Variants in BOC observed in about 807,000 individuals in gnomAD.
BOC encodes the protein brother of CDO.
Under a neutral mutation model 112.0 loss-of-function variants are expected in BOC, and 76 were observed. The ratio of observed to expected loss-of-function variants is 0.68; its 90% CI spans 0.56 to 0.82. The LOEUF is 0.82. BOC is among the 40% of genes least tolerant of loss of function. BOC has a pLI of 0.00. For missense variants in BOC, 1,309 were observed against 1,511.7 expected (o/e 0.87, Z 2.22); for synonymous variants, 580 against 599.8 (o/e 0.97, Z 0.48).
Position 113,287,288 on chromosome 3 carries a change from C to T in BOC, c.*426C>T, listed in dbSNP as rs9826018. ...AGACACCCACACAGATGGCTGGATC[C>T]GGTGCTACGGGAAACATTTTCCTAA... is the stretch of plus-strand genomic sequence containing the variant. On this transcript the variant is annotated 3_prime_UTR_variant, in exon 20 of 20. Coordinates refer to ENST00000682979, the MANE Select transcript of BOC (RefSeq NM_001378074.1). 5,877 of 302,588 alleles carry T rather than the reference C, an allele frequency of 0.019. 323 individuals carry two copies. The highest frequency in any genetic ancestry group is 0.12 in the African/African-American group (5,356 of 45,530). 18.7% of individuals were successfully genotyped at this position (302,588 alleles called of 1,614,324 possible). A position where few individuals can be genotyped will look rare whatever the true frequency, so the allele number is the denominator to read the frequency against.
At chr3:113,252,279 G>C (rs1945728477) in intron 4 of BOC, among the ~76,000 whole-genome samples, 2 of 152,194 alleles carry the variant, frequency 1.3e-5, no homozygotes. Context: ...ACTTTGAGAA[G>C]ATTTCCAGGG....
intron 4 of BOC, among the ~76,000 whole-genome samples, chr3:113,253,608 AATCTT>A (rs915367383): frequency 1.3e-5 from 2 of 152,008 alleles, no homozygotes; most frequent in African/African-American, 4.8e-5. Flanking sequence ...AAAGTGTACT[AATCTT>A]AAGTGAACAA....
At chr3:113,285,289 A>C in intron 18 of BOC, 83 bp from the exon 19 acceptor site, 3 of 1,408,148 alleles carry the variant, frequency 2.1e-6, no homozygotes, top group Non-Finnish European at 3.0e-6. Flanking sequence ...ATGCCCTCAG[A>C]CAGGGAGACA....
chr3:113,276,950 T>C (rs978302552), intron 9 of BOC, among the ~76,000 whole-genome samples: 2 of 152,200 alleles, frequency 1.3e-5, no homozygotes, highest in Non-Finnish European at 2.9e-5. Flanking sequence ...GGTGTAGAGT[T>C]GGCAGTAAAG....
At chr3:113,261,705 A>C (rs1021764232) in intron 4 of BOC, 1 of 152,218 alleles carries the variant, frequency 6.6e-6, no homozygotes, top group African/African-American at 2.4e-5. Flanking sequence ...TCATTTAATG[A>C]CATTGCAAAA....
chr3:113,270,917 G>A lies in BOC; in HGVS notation c.640G>A (p.Gly214Ser), dbSNP rs765892475. 26 of 1,614,214 alleles carry A rather than the reference G, an allele frequency of 1.6e-5. No individual in the cohort carries two copies. The highest frequency in any genetic ancestry group is 1.6e-4 in the Middle Eastern group (1 of 6,062). Residue 214 changes from glycine (G) to serine (S), a missense_variant, in exon 6 of 20, where the codon GGC becomes AGC. Physicochemically the swap from Gly to Ser is moderately conservative, Grantham distance 56. Transcript: ENST00000682979. ...NPVTQEVKTS[G>S]SSDRLRVRRS... is the part of the protein sequence containing the mutation. The stretch of plus-strand genomic sequence containing the variant: ...AGTGACCCAGGAAGTGAAAACCTCC[G>A]GCTCCAGCGACAGGCTACGTGTGCG...
chr3:113,260,235 A>G (rs1327275245), intron 4 of BOC, among the ~76,000 whole-genome samples: 5 of 152,244 alleles, frequency 3.3e-5, no homozygotes, highest in Non-Finnish European at 5.9e-5. Flanking sequence ...AAGATGAAAA[A>G]GGGCATACAC....
intron 17 of BOC, 35 bp from the exon 18 acceptor site, chr3:113,284,747 G>A (rs184394067): frequency 2.3e-5 from 36 of 1,599,132 alleles, no homozygotes; most frequent in Middle Eastern, 1.7e-4. Context: ...TGGACTCCCC[G>A]GCGTGGCCGT....
intron 2 of BOC, among the ~76,000 whole-genome samples, chr3:113,230,926 AAC>A (rs1942511664): frequency 1.3e-5 from 2 of 152,248 alleles, no homozygotes; most frequent in Non-Finnish European, 2.9e-5. Context: ...AAAGTTTGTT[AAC>A]AAAATATTAA....
rs903886174 is a variant in BOC at position 113,280,588 on chromosome 3, A to G, written c.2236A>G (p.Ile746Val). The stretch of plus-strand genomic sequence containing the variant: ...CCCAGCAAGTAACAACAACACCCCA[A>G]TCCATGGCTTTTATATCTATTATCG... ...YIPASNNNTP[I>V]HGFYIYYRPT... Residue 746 changes from isoleucine to valine, a missense_variant, in exon 14 of 20, where the codon ATC (isoleucine) becomes GTC (valine). Coordinates refer to ENST00000682979, the MANE Select transcript of BOC (RefSeq NM_001378074.1). 2 of 1,612,096 alleles carry G rather than the reference A, an allele frequency of 1.2e-6. No homozygotes were observed. Among genetic ancestry groups the G allele is most frequent in the South Asian group, 1.1e-5 (1 of 91,026 alleles).
Position 113,279,869 on chromosome 3 carries a change from A to C in BOC, c.2069A>C (p.Glu690Ala). 6.2e-7 allele frequency: 1 copy of C among 1,613,146 alleles called. No homozygotes were observed. Among genetic ancestry groups the C allele is most frequent in the Non-Finnish European group, 8.5e-7 (1 of 1,179,570 alleles). Reference protein sequence around the residue: ...FRVRALNMLGESEPSAPSRPY... With the variant: ...FRVRALNMLGASEPSAPSRPY... Reference sequence around the variant, plus strand: ...GTCCGGGCTCTGAACATGCTGGGGGAGAGCGAGCCCAGCGCCCCCTCTCGG... The same window carrying C: ...GTCCGGGCTCTGAACATGCTGGGGGCGAGCGAGCCCAGCGCCCCCTCTCGG... The change falls in exon 13 of 20, where the codon GAG (glutamate) becomes GCG (alanine). Residue 690 changes from glutamate (E) to alanine (A), a missense_variant. Physicochemically the swap from Glu to Ala is moderately radical, Grantham distance 107. Transcript: ENST00000682979.
chr3:113,243,729 C>G (rs922584330), intron 2 of BOC, among the ~76,000 whole-genome samples: 6 of 152,170 alleles, frequency 3.9e-5, no homozygotes, highest in African/African-American at 1.4e-4. Flanking sequence ...CCCTCATCCC[C>G]CTTGCTTGTA....
rs769259969 is a variant in BOC, at chr3:113,227,096, CTAT to C, written c.-82+10829_-82+10831del. Among the ~76,000 whole-genome samples, 181 of 152,174 alleles carry C rather than the reference CTAT, an allele frequency of 1.2e-3. 1 individual carries two copies. The highest frequency in any genetic ancestry group is 3.2e-4 in the Non-Finnish European group (22 of 68,026). On this transcript the variant is annotated intron_variant, in intron 2 of 19. Transcript: ENST00000682979. ...CTTAGGGTAGAGGCTTTGATGGTCT[CTAT>C]TATTATCATCATTATTATTAGCTTG...
chr3:113,236,585 T>A (rs1018247285), intron 2 of BOC, among the ~76,000 whole-genome samples: 1 of 152,084 alleles, frequency 6.6e-6, no homozygotes, highest in South Asian at 2.1e-4. Context: ...TATTGGGTGA[T>A]GTTTACACTC....
At position 113,237,011 on chromosome 3, in the gene BOC, G is replaced by A. The variant is rs958721358; in HGVS notation, c.-81-12711G>A. Reference sequence around the variant, plus strand: ...CACTCAAGGTGATCTTCTGTGAAGGGTAGAAGAGTTTCAGAAGCCAAGGCT... The same window carrying A: ...CACTCAAGGTGATCTTCTGTGAAGGATAGAAGAGTTTCAGAAGCCAAGGCT... On this transcript the variant is annotated intron_variant, in intron 2 of 19. Coordinates refer to ENST00000682979, the MANE Select transcript of BOC (RefSeq NM_001378074.1). 4.6e-5 allele frequency among the ~76,000 whole-genome samples: 7 copies of A among 152,210 alleles called. No individual in the cohort carries two copies. The East Asian group carries it at 1.3e-3, about 29-fold the overall frequency.
intron 2 of BOC, among the ~76,000 whole-genome samples, chr3:113,235,486 C>T (rs1943302067): frequency 6.6e-6 from 1 of 152,084 alleles, no homozygotes; most frequent in Admixed American, 6.6e-5. Flanking sequence ...TCTCAACTGA[C>T]CTACTGTATG....
intron 2 of BOC, among the ~76,000 whole-genome samples, chr3:113,234,859 T>C (rs1304172136): frequency 6.6e-6 from 1 of 152,222 alleles, no homozygotes; most frequent in Non-Finnish European, 1.5e-5. Flanking sequence ...TGTGGTTCCG[T>C]ATGTGTTGCA....
At chr3:113,272,732 C>T (rs777626609) in intron 7 of BOC, 29 bp downstream of exon 7, 4 of 1,607,610 alleles carry the variant, frequency 2.5e-6, no homozygotes, top group Admixed American at 3.3e-5. Context: ...CTGTCTTCTG[C>T]TTGGCCTTCT....
chr3:113,260,761 C>G (rs1375821746), intron 4 of BOC, among the ~76,000 whole-genome samples: 4 of 151,864 alleles, frequency 2.6e-5, no homozygotes, highest in African/African-American at 9.7e-5. Context: ...CAGGTTTTCA[C>G]CATTCAATAG....
Sources: allele counts gnomAD v4.1 joint callset (sites outside exome capture counted in the v4.1 genomes callset), GRCh38; gene constraint gnomAD v4.1.1; transcripts MANE v1.5; gene names NCBI Gene and HGNC (gene_info 2026-07-23, HGNC 2026-07-21).